Variants in TTC27 observed in about 807,000 individuals in gnomAD.
TTC27 encodes the protein tetratricopeptide repeat protein 27.
A neutral mutation model predicts 115.9 loss-of-function variants in TTC27; 79 were observed. The observed-to-expected ratio is 0.68, with a 90% CI of 0.57 to 0.82. The LOEUF (loss-of-function observed/expected upper bound fraction) is 0.82, where lower values mean the gene tolerates loss of function less well. Among genes scored for constraint, TTC27 ranks in the 40% least tolerant of loss-of-function variants. The probability of loss-of-function intolerance (pLI) is 0.00; values close to 1 mark genes in which losing one functional copy is unlikely to be tolerated. For synonymous variants in TTC27, 401 were observed against 356.0 expected, an observed-to-expected ratio of 1.13 and a Z score of -1.42; for missense variants, 1,054 against 993.1, an observed-to-expected ratio of 1.06 and a Z score of -0.82.
rs144454898 is a variant in TTC27, at chr2:32,706,737, T to C, written c.1233+3817T>C. On this transcript the variant is annotated intron_variant, in intron 10 of 19. Transcript: ENST00000317907. ...GCACCACCATGCCCAGCTAATTTTGTATTTTTAGTAGAGACAGGGTTTCAC... is the reference window on the plus strand; with the variant it reads ...GCACCACCATGCCCAGCTAATTTTGCATTTTTAGTAGAGACAGGGTTTCAC... 7.7e-3 allele frequency among the ~76,000 whole-genome samples: 1,171 copies of C among 152,158 alleles called. 6 individuals are homozygous for C. The highest frequency in any genetic ancestry group is 0.054 in the Middle Eastern group (16 of 294).
intron 16 of TTC27, among the ~76,000 whole-genome samples, chr2:32,789,178 A>G (rs1203114487): frequency 6.6e-6 from 1 of 152,230 alleles, no homozygotes; most frequent in East Asian, 1.9e-4. Flanking sequence ...AAAGTCATCA[A>G]GATAATGCCG....
chr2:32,741,685 A>AACAACAAC (rs879897085), intron 12 of TTC27, among the ~76,000 whole-genome samples: 1 of 122,782 alleles, frequency 8.1e-6, no homozygotes. Context: ...ACAACAACAA[A>AACAACAAC]AAAACAGCTG....
In TTC27 at chr2:32,799,017, A is replaced by G. The variant is rs187706877; in HGVS notation, c.1998+11868A>G. ...CCATCTATGGATGAATGGATACACA[A>G]AATGTGGTATGTACATACAATGGAA... On this transcript the variant is annotated intron_variant, in intron 16 of 19. Transcript: ENST00000317907. 2.0e-3 allele frequency among the ~76,000 whole-genome samples: 303 copies of G among 152,364 alleles called. 1 individual carries two copies. The highest frequency in any genetic ancestry group is 6.4e-3 in the African/African-American group (268 of 41,586).
chr2:32,743,728 C>T (rs937072757), intron 12 of TTC27, among the ~76,000 whole-genome samples: 1 of 152,128 alleles, frequency 6.6e-6, no homozygotes, highest in African/African-American at 2.4e-5. Context: ...TCCTAGTTCT[C>T]ATCATTTGGT....
At chr2:32,679,999 CA>C (rs1180412569) in intron 9 of TTC27, among the ~76,000 whole-genome samples, 1 of 152,068 alleles carries the variant, frequency 6.6e-6, no homozygotes, top group African/African-American at 2.4e-5. Flanking sequence ...CAAAACAAAA[CA>C]AAACACAACA....
At chr2:32,664,023 G>T (rs1665665658) in intron 5 of TTC27, among the ~76,000 whole-genome samples, 1 of 151,172 alleles carries the variant, frequency 6.6e-6, no homozygotes, top group Non-Finnish European at 1.5e-5. Flanking sequence ...AGACAAACCC[G>T]CTGAGAAAGA....
At chr2:32,701,310 A>G (rs958768101) in intron 9 of TTC27, among the ~76,000 whole-genome samples, 23 of 152,068 alleles carry the variant, frequency 1.5e-4, no homozygotes, top group African/African-American at 5.3e-4. Flanking sequence ...TTTTTACATT[A>G]CTCTACTTTC....
chr2:32,662,779 A>C (rs79354942), intron 5 of TTC27, among the ~76,000 whole-genome samples: 220 of 151,368 alleles, frequency 1.5e-3, no homozygotes, highest in African/African-American at 5.1e-3. Flanking sequence ...TATCTCCTTC[A>C]GTTCTGCTGT....
chr2:32,728,410 C>G (rs902586760), intron 10 of TTC27, among the ~76,000 whole-genome samples: 1 of 152,016 alleles, frequency 6.6e-6, no homozygotes, highest in African/African-American at 2.4e-5. Flanking sequence ...CTCCCATCTC[C>G]CATTAGTAGA....
chr2:32,678,157 A>G (rs921041637), intron 8 of TTC27, among the ~76,000 whole-genome samples: 1 of 150,590 alleles, frequency 6.6e-6, no homozygotes, highest in African/African-American at 2.4e-5. Flanking sequence ...CAGGAGGCTG[A>G]GCTGGGAGGA....
intron 12 of TTC27, among the ~76,000 whole-genome samples, chr2:32,740,440 C>T (rs1668591244): frequency 9.6e-6 from 1 of 104,212 alleles, no homozygotes; most frequent in Admixed American, 1.0e-4. Context: ...GTTTGGATTT[C>T]CTGTTTTGGG....
At chr2:32,702,334 C>T (rs1015934573) in intron 9 of TTC27, among the ~76,000 whole-genome samples, 4 of 151,826 alleles carry the variant, frequency 2.6e-5, no homozygotes, top group Admixed American at 2.0e-4. Flanking sequence ...AGAGAGTTTA[C>T]ATTGTGCTCA....
intron 13 of TTC27, among the ~76,000 whole-genome samples, chr2:32,771,034 A>C (rs567656143): frequency 6.6e-6 from 1 of 152,352 alleles, no homozygotes; most frequent in South Asian, 2.1e-4. Context: ...AAATGTGAGT[A>C]CTGTGATAAC....
At chr2:32,772,397 C>T (rs959246683) in intron 13 of TTC27, among the ~76,000 whole-genome samples, 1 of 152,104 alleles carries the variant, frequency 6.6e-6, no homozygotes, top group Non-Finnish European at 1.5e-5. Flanking sequence ...TTCTAAATAC[C>T]GGACGATCCC....
chr2:32,670,322 C>T (rs1309389980), intron 7 of TTC27, among the ~76,000 whole-genome samples: 4 of 152,102 alleles, frequency 2.6e-5, no homozygotes, highest in East Asian at 1.9e-4. Context: ...AACAATTAGA[C>T]GCGTGTCACC....
At chr2:32,762,494 T>C (rs1257628045) in intron 13 of TTC27, among the ~76,000 whole-genome samples, 1 of 152,196 alleles carries the variant, frequency 6.6e-6, no homozygotes, top group Non-Finnish European at 1.5e-5. Context: ...TTGATTTCTT[T>C]GGAGCTTTGT....
At chr2:32,786,358 C>G (rs1166998930) in intron 15 of TTC27, among the ~76,000 whole-genome samples, 1 of 151,968 alleles carries the variant, frequency 6.6e-6, no homozygotes, top group Non-Finnish European at 1.5e-5. Context: ...AGGCTGGTCT[C>G]GAACTCCTGA....
chr2:32,694,908 G>C (rs1666933845), intron 9 of TTC27, among the ~76,000 whole-genome samples: 1 of 151,682 alleles, frequency 6.6e-6, no homozygotes, highest in Non-Finnish European at 1.5e-5. Context: ...CAAACTCCTG[G>C]GCTCAAGCAA....
intron 8 of TTC27, among the ~76,000 whole-genome samples, chr2:32,676,579 C>T (rs549298046): frequency 3.4e-5 from 5 of 148,130 alleles, no homozygotes; most frequent in South Asian, 2.1e-4. Context: ...GCAACCTCTG[C>T]GTCCTGGGTT....
Sources: gnomAD v4.1 joint callset for allele counts (sites outside exome capture counted in the v4.1 genomes callset) on GRCh38, gnomAD v4.1.1 for gene constraint, MANE v1.5 for transcripts, NCBI Gene and HGNC (gene_info 2026-07-23, HGNC 2026-07-21) for gene names.